Variants in DACH1 observed in about 807,000 individuals in gnomAD.
DACH1 encodes the protein dachshund family transcription factor 1, also known as dachshund homolog 1.
In DACH1, 12 loss-of-function variants were observed where a neutral mutation model predicts 54.2. That is an observed-to-expected ratio of 0.22 (90% confidence interval 0.14 to 0.36). The LOEUF is 0.36. Ranked by LOEUF, DACH1 falls within the 10% of genes least tolerant of loss-of-function variation. The pLI is 1.00. For missense variants in DACH1, 805 were observed against 929.8 expected (o/e 0.87, Z 1.75); for synonymous variants, 386 against 366.2 (o/e 1.05, Z -0.62).
At chr13:71,606,714 A>C (rs1174541766) in intron 3 of DACH1, among the ~76,000 whole-genome samples, 1 of 152,040 alleles carries the variant, frequency 6.6e-6, no homozygotes, top group African/African-American at 2.4e-5. Context: ...TTTAATATGA[A>C]CATAGTGAGA....
chr13:71,463,040 T>TAA (rs1164474482), intron 10 of DACH1, among the ~76,000 whole-genome samples: 3 of 151,994 alleles, frequency 2.0e-5, no homozygotes, highest in Non-Finnish European at 4.4e-5. Flanking sequence ...ACTTAGCAGT[T>TAA]AAAGTGAGTT....
At chr13:71,742,175 C>G (rs1378404349) in intron 1 of DACH1, among the ~76,000 whole-genome samples, 1 of 152,114 alleles carries the variant, frequency 6.6e-6, no homozygotes, top group Non-Finnish European at 1.5e-5. Context: ...CGCCTCCTGC[C>G]ATGATTCTGA....
chr13:71,540,833 C>G (rs1381097127), intron 6 of DACH1, among the ~76,000 whole-genome samples: 2 of 151,828 alleles, frequency 1.3e-5, no homozygotes, highest in Non-Finnish European at 2.9e-5. Context: ...ATAATATTGC[C>G]TAAATTAAAA....
chr13:71,466,333 TA>T (rs1207042091), intron 10 of DACH1, among the ~76,000 whole-genome samples: 1 of 152,198 alleles, frequency 6.6e-6, no homozygotes. Flanking sequence ...CAACTTAATT[TA>T]TTTTTTTCAA....
intron 1 of DACH1, among the ~76,000 whole-genome samples, chr13:71,683,794 T>A (rs1235473570): frequency 6.6e-6 from 1 of 152,100 alleles, no homozygotes; most frequent in Non-Finnish European, 1.5e-5. Flanking sequence ...TCTATTAGCA[T>A]CACTTAGATG....
chr13:71,584,438 C>A (rs1873079858), intron 3 of DACH1, among the ~76,000 whole-genome samples: 1 of 152,082 alleles, frequency 6.6e-6, no homozygotes, highest in South Asian at 2.1e-4. Context: ...GTGTTATGGA[C>A]ATACCAATAA....
chr13:71,594,842 T>A (rs751906595), intron 3 of DACH1, among the ~76,000 whole-genome samples: 1 of 152,140 alleles, frequency 6.6e-6, no homozygotes, highest in Non-Finnish European at 1.5e-5. Flanking sequence ...AAATATTAGT[T>A]GTAGGCACTG....
intron 1 of DACH1, among the ~76,000 whole-genome samples, chr13:71,826,858 T>G (rs1233355260): frequency 1.3e-5 from 2 of 152,038 alleles, no homozygotes; most frequent in Non-Finnish European, 2.9e-5. Context: ...ACTGCTCAAC[T>G]GGGGTTAATT....
At chr13:71,820,337 C>T (rs58355468) in intron 1 of DACH1, among the ~76,000 whole-genome samples, 4,400 of 152,084 alleles carry the variant, frequency 0.029, 203 homozygotes, top group African/African-American at 0.099. Flanking sequence ...TGGTCTTCTG[C>T]ATCCAAAGAC....
Position 71,687,421 on chromosome 13 carries a change from G to A in DACH1, c.849-5511C>T, listed in dbSNP as rs188878273. On this transcript the variant is annotated intron_variant, in intron 1 of 10. Transcript: ENST00000613252. ...GTAAGATACAAACCTGCAGATATGG[G>A]CGTATCAGAGCACATGAGACAGAAA... Among the ~76,000 whole-genome samples the A allele has an allele frequency of 7.6e-4, 115 of 152,062 alleles. 1 individual carries two copies. The highest frequency in any genetic ancestry group is 2.9e-3 in the South Asian group (14 of 4,826).
At chr13:71,698,402 C>A (rs1594109747) in intron 1 of DACH1, among the ~76,000 whole-genome samples, 1 of 152,000 alleles carries the variant, frequency 6.6e-6, no homozygotes, top group Admixed American at 6.6e-5. Context: ...CATACTGATA[C>A]GACACTGGTA....
intron 3 of DACH1, among the ~76,000 whole-genome samples, chr13:71,582,983 T>A (rs1872955060): frequency 6.6e-6 from 1 of 152,214 alleles, no homozygotes; most frequent in Non-Finnish European, 1.5e-5. Context: ...AAAACTCTTC[T>A]GTAGATTGCC....
intron 3 of DACH1, among the ~76,000 whole-genome samples, chr13:71,593,362 A>G (rs1873868044): frequency 6.6e-6 from 1 of 152,110 alleles, no homozygotes; most frequent in African/African-American, 2.4e-5. Context: ...GATCATCTGA[A>G]AGCTTTTACA....
intron 1 of DACH1, among the ~76,000 whole-genome samples, chr13:71,757,569 G>T (rs934744103): frequency 6.6e-6 from 1 of 150,426 alleles, no homozygotes; most frequent in Non-Finnish European, 1.5e-5. Context: ...TGTCGCCCAG[G>T]CTGGAGTACA....
intron 1 of DACH1, among the ~76,000 whole-genome samples, chr13:71,792,367 CACA>C (rs1886868791): frequency 1.4e-5 from 2 of 141,800 alleles, no homozygotes; most frequent in African/African-American, 2.6e-5. Context: ...CACACACACA[CACA>C]CCCCTGGAAT....
chr13:71,558,941 ATAACT>A (rs1884422468), intron 5 of DACH1, among the ~76,000 whole-genome samples: 1 of 152,086 alleles, frequency 6.6e-6, no homozygotes. Context: ...CGACAACCAA[ATAACT>A]TAAATAAACT....
chr13:71,817,893 C>A (rs1200869394), intron 1 of DACH1, among the ~76,000 whole-genome samples: 2 of 147,050 alleles, frequency 1.4e-5, no homozygotes, highest in East Asian at 2.0e-4. Context: ...CGGCTCACTG[C>A]AACCTCTGCC....
At chr13:71,702,633 A>AAT (rs991950231) in intron 1 of DACH1, among the ~76,000 whole-genome samples, 1 of 152,188 alleles carries the variant, frequency 6.6e-6, no homozygotes, top group Non-Finnish European at 1.5e-5. Flanking sequence ...AAAGCATTGA[A>AAT]ATATACCCTA....
At chr13:71,696,569 CAG>C (rs1031149100) in intron 1 of DACH1, among the ~76,000 whole-genome samples, 3 of 148,804 alleles carry the variant, frequency 2.0e-5, no homozygotes, top group African/African-American at 7.4e-5. Context: ...TTTTTTGAGA[CAG>C]AATTTCACTC....
Sources: gnomAD v4.1 joint callset for allele counts (sites outside exome capture counted in the v4.1 genomes callset) on GRCh38, gnomAD v4.1.1 for gene constraint, MANE v1.5 for transcripts, NCBI Gene and HGNC (gene_info 2026-07-23, HGNC 2026-07-21) for gene names.